Variants in PACRG observed in about 807,000 individuals in gnomAD.
PACRG encodes the protein parkin coregulated, also known as parkin coregulated gene protein.
A neutral mutation model predicts 29.7 loss-of-function variants in PACRG; 29 were observed. The observed-to-expected ratio is 0.98, with a 90% CI of 0.73 to 1.33. The LOEUF is 1.33. PACRG is among the 40% of genes most tolerant of loss of function. PACRG has a pLI of 0.00. For missense variants in PACRG, 279 were observed against 316.2 expected, an observed-to-expected ratio of 0.88 and a Z score of 0.89; for synonymous variants, 116 against 118.7, an observed-to-expected ratio of 0.98 and a Z score of 0.15.
intron 4 of PACRG, among the ~76,000 whole-genome samples, chr6:163,151,731 A>T (rs1778101257): frequency 5.3e-5 from 8 of 152,232 alleles, no homozygotes; most frequent in Admixed American, 5.2e-4. Context: ...TTTACCCGCT[A>T]AAAAGTATCC....
chr6:162,790,875 G>A (rs986866361), intron 1 of PACRG, among the ~76,000 whole-genome samples: 4 of 152,086 alleles, frequency 2.6e-5, no homozygotes, highest in Non-Finnish European at 5.9e-5. Context: ...CTAAAATATT[G>A]AGTTACATTT....
intron 2 of PACRG, among the ~76,000 whole-genome samples, chr6:162,846,698 A>T (rs953709954): frequency 6.6e-6 from 1 of 152,184 alleles, no homozygotes; most frequent in Admixed American, 6.5e-5. Flanking sequence ...AGGCACCACC[A>T]TATTTATCCC....
chr6:162,956,915 C>G (rs976190214), intron 2 of PACRG, among the ~76,000 whole-genome samples: 1 of 152,002 alleles, frequency 6.6e-6, no homozygotes, highest in Non-Finnish European at 1.5e-5. Flanking sequence ...CTGGGGTGTT[C>G]AAGTTGGAGT....
intron 4 of PACRG, chr6:163,100,671 T>C (rs998005259): frequency 3.0e-6 from 2 of 667,472 alleles, no homozygotes; most frequent in Admixed American, 6.3e-5. Flanking sequence ...TTTCTCCAAA[T>C]AGGAAACTGT....
chr6:163,084,306 C>A (rs1813340950), intron 3 of PACRG, among the ~76,000 whole-genome samples: 1 of 152,066 alleles, frequency 6.6e-6, no homozygotes, highest in African/African-American at 2.4e-5. Context: ...TGTTAGCATA[C>A]TTTTTCAAAG....
At chr6:163,207,489 A>G (rs1780955095) in intron 4 of PACRG, among the ~76,000 whole-genome samples, 1 of 152,232 alleles carries the variant, frequency 6.6e-6, no homozygotes, top group Admixed American at 6.5e-5. Flanking sequence ...TGTGCTCATT[A>G]CACATCAGAC....
At chr6:162,776,657 G>A (rs146320659) in intron 1 of PACRG, among the ~76,000 whole-genome samples, 33 of 152,328 alleles carry the variant, frequency 2.2e-4, no homozygotes, top group African/African-American at 7.7e-4. Context: ...GGTCTCCTGA[G>A]AAGAGCATTT....
At chr6:163,155,797 T>A (rs1778287472) in intron 4 of PACRG, among the ~76,000 whole-genome samples, 1 of 152,220 alleles carries the variant, frequency 6.6e-6, no homozygotes, top group South Asian at 2.1e-4. Flanking sequence ...GCAGGTAAGA[T>A]TCTAATGGCT....
intron 2 of PACRG, among the ~76,000 whole-genome samples, chr6:163,030,312 A>C (rs192962113): frequency 6.6e-6 from 1 of 152,352 alleles, no homozygotes; most frequent in Admixed American, 6.5e-5. Flanking sequence ...TATGAGAAAT[A>C]GATTTCTCTA....
chr6:162,945,046 T>TA (rs1798905231), intron 2 of PACRG, among the ~76,000 whole-genome samples: 2 of 152,084 alleles, frequency 1.3e-5, no homozygotes, highest in East Asian at 3.9e-4. Flanking sequence ...ACTGAAATGT[T>TA]ACCACTACAG....
intron 1 of PACRG, among the ~76,000 whole-genome samples, chr6:162,749,454 A>T (rs987308364): frequency 4.6e-5 from 7 of 152,196 alleles, no homozygotes; most frequent in African/African-American, 1.7e-4. Flanking sequence ...CTTATTACAG[A>T]GTATGTATAA....
intron 2 of PACRG, among the ~76,000 whole-genome samples, chr6:162,826,584 C>T (rs931518714): frequency 2.0e-5 from 3 of 151,962 alleles, no homozygotes; most frequent in Admixed American, 2.0e-4. Context: ...CTGCCTCAGC[C>T]TCCCAAGTAG....
chr6:162,881,961 T>TAGG (rs369753081), intron 2 of PACRG, among the ~76,000 whole-genome samples: 8 of 59,954 alleles, frequency 1.3e-4, no homozygotes, highest in Non-Finnish European at 2.5e-4. Context: ...CAGAGATGGG[T>TAGG]GGGGGGGGGC....
chr6:162,956,335 T>C (rs1800031509), intron 2 of PACRG, among the ~76,000 whole-genome samples: 1 of 152,132 alleles, frequency 6.6e-6, no homozygotes, highest in Non-Finnish European at 1.5e-5. Context: ...ACGGTGACAG[T>C]TTCCTTTTAA....
At chr6:163,048,928 A>G (rs572589366) in intron 2 of PACRG, among the ~76,000 whole-genome samples, 5 of 152,262 alleles carry the variant, frequency 3.3e-5, no homozygotes, top group Admixed American at 6.5e-5. Flanking sequence ...GCTTTCCAAA[A>G]TAGTCCTTAT....
intron 4 of PACRG, among the ~76,000 whole-genome samples, chr6:163,286,645 A>G (rs1784409802): frequency 1.3e-5 from 2 of 152,200 alleles, no homozygotes; most frequent in South Asian, 4.1e-4. Context: ...TGAATTCAAC[A>G]GTTCTTACCT....
At chr6:163,103,915 G>A (rs1225484993) in intron 4 of PACRG, among the ~76,000 whole-genome samples, 1 of 152,204 alleles carries the variant, frequency 6.6e-6, no homozygotes, top group African/African-American at 2.4e-5. Flanking sequence ...ACCAAAGCCA[G>A]CACCCAAGAA....
chr6:162,983,504 G>T (rs959361236), intron 2 of PACRG, among the ~76,000 whole-genome samples: 5 of 151,924 alleles, frequency 3.3e-5, no homozygotes, highest in Non-Finnish European at 5.9e-5. Context: ...TGCTGGATTG[G>T]TAGTGGTGAA....
intron 4 of PACRG, among the ~76,000 whole-genome samples, chr6:163,282,024 T>G (rs2128184050): frequency 6.6e-6 from 1 of 152,350 alleles, no homozygotes; most frequent in East Asian, 1.9e-4. Flanking sequence ...AAGCATTAAT[T>G]TGAATATTCA....
Sources: gnomAD v4.1 joint callset for allele counts (sites outside exome capture counted in the v4.1 genomes callset) on GRCh38, gnomAD v4.1.1 for gene constraint, MANE v1.5 for transcripts, NCBI Gene and HGNC (gene_info 2026-07-23, HGNC 2026-07-21) for gene names.